The following KDR variants were observed in gnomAD, a reference collection of about 807,000 sequenced individuals.
KDR encodes the protein vascular endothelial growth factor receptor 2.
A neutral mutation model predicts 160.9 loss-of-function variants in KDR; 43 were observed. The observed-to-expected ratio is 0.27, with a 90% confidence interval of 0.21 to 0.34. The LOEUF (loss-of-function observed/expected upper bound fraction) is 0.34, where lower values mean the gene tolerates loss of function less well. KDR is among the 10% of genes least tolerant of loss of function. The pLI, the probability that KDR is intolerant of heterozygous loss-of-function variation, is 1.00. For synonymous variants in KDR, 617 were observed against 600.1 expected, an observed-to-expected ratio of 1.03 and a Z score of -0.41; for missense variants, 1,469 against 1,666.4, an observed-to-expected ratio of 0.88 and a Z score of 2.06.
Position 55,110,519 on chromosome 4 carries a change from C to A in KDR, c.1139G>T (p.Gly380Val), listed in dbSNP as rs1293114817. ...CACTTCCATAATCGTCAGTACATGC[C>A]CCGCTTTAATTGTGTGATTGGACTC... The part of the protein sequence containing the change: ...PLESNHTIKA[G>V]HVLTIMEVSE... Residue 380 changes from glycine (G) to valine (V), a missense_variant, in exon 9 of 30, where the codon GGG (glycine) becomes GTG (valine). Gly to Val is a moderately radical substitution (Grantham distance 109). This residue lies in a region of KDR where 792 missense variants were observed against 840.9 expected (regional missense o/e 0.94). Coordinates refer to ENST00000263923, the MANE Select transcript of KDR (RefSeq NM_002253.4). 4.3e-6 allele frequency: 7 copies of A among 1,613,872 alleles called. No individual in the cohort carries two copies. Among genetic ancestry groups the A allele is most frequent in the Non-Finnish European group, 5.9e-6 (7 of 1,179,938 alleles).
chr4:55,120,485 T>C (rs905509067), intron 2 of KDR, among the ~76,000 whole-genome samples: 1 of 152,180 alleles, frequency 6.6e-6, no homozygotes. Flanking sequence ...ATCAATAGCA[T>C]GACTTCTTGC....
At chr4:55,102,308 T>G in intron 14 of KDR, 54 bp downstream of exon 14, 2 of 1,577,330 alleles carry the variant, frequency 1.3e-6, no homozygotes, top group Non-Finnish European at 8.7e-7. Flanking sequence ...GCTTTTTAGA[T>G]AACATCCCTG....
intron 27 of KDR, among the ~76,000 whole-genome samples, chr4:55,084,241 T>A (rs1250780114): frequency 6.6e-6 from 1 of 152,198 alleles, no homozygotes; most frequent in Non-Finnish European, 1.5e-5. Flanking sequence ...AGATCAGATA[T>A]GCCCTTTAGA....
In KDR at chr4:55,125,529, C is replaced by T; in HGVS notation, c.-236G>A. ...GACTTTCTGCGGCGCGCAAGTGATGCCCGGCGCAGGCAGAGGAAACGCAGC... is the reference window on the plus strand; with the variant it reads ...GACTTTCTGCGGCGCGCAAGTGATGTCCGGCGCAGGCAGAGGAAACGCAGC... On this transcript the variant is annotated 5_prime_UTR_variant, in exon 1 of 30. Coordinates refer to ENST00000263923, the MANE Select transcript of KDR (RefSeq NM_002253.4). 1 of 603,758 alleles carries T rather than the reference C, an allele frequency of 1.7e-6. No homozygotes were observed. The highest frequency in any genetic ancestry group is 2.9e-6 in the Non-Finnish European group (1 of 339,422). 37.4% of individuals were successfully genotyped at this position (603,758 alleles called of 1,614,324 possible). A position where few individuals can be genotyped will look rare whatever the true frequency, so the allele number is the denominator to read the frequency against.
intron 3 of KDR, among the ~76,000 whole-genome samples, chr4:55,118,263 T>C (rs1462031587): frequency 6.6e-6 from 1 of 152,176 alleles, no homozygotes; most frequent in Non-Finnish European, 1.5e-5. Context: ...TTCTCCATAA[T>C]TCACCCCCAA....
At position 55,098,424 on chromosome 4, in the gene KDR, C is replaced by G. The variant is rs192605268; in HGVS notation, c.2374-152G>C. The G allele has an allele frequency of 2.5e-5, 25 of 982,758 alleles. No homozygotes were observed. The East Asian group carries it at 6.3e-4, about 25-fold the overall frequency. The allele number at this position is 982,758 out of a possible 1,614,324, so 60.9% of individuals were successfully genotyped here. ...GAGTGGTCCTATTATAACCCTGCTT[C>G]TAGTTTCCCTTGTCCCCCAAAGGAG... On this transcript the variant is annotated intron_variant, in intron 16 of 29. Transcript: ENST00000263923.
At chr4:55,109,105 C>T (rs964197612) in intron 9 of KDR, among the ~76,000 whole-genome samples, 18 of 150,598 alleles carry the variant, frequency 1.2e-4, no homozygotes, top group African/African-American at 3.4e-4. Context: ...TTTTTTGAGA[C>T]GGAGTTTTGC....
intron 27 of KDR, 46 bp from the exon 28 acceptor site, chr4:55,082,681 T>G (rs770746793): frequency 1.3e-5 from 18 of 1,417,380 alleles, no homozygotes; most frequent in Middle Eastern, 1.8e-4. Context: ...TATATTTGAC[T>G]GCAGATCGGC....
intron 15 of KDR, 136 bp downstream of exon 15, chr4:55,101,761 T>C: frequency 2.7e-6 from 2 of 748,432 alleles, no homozygotes; most frequent in Non-Finnish European, 2.3e-6. Flanking sequence ...TGGTTTTCTG[T>C]TCCTGTGTTA....
intron 26 of KDR, 105 bp downstream of exon 26, chr4:55,088,763 A>G: frequency 3.9e-6 from 3 of 770,326 alleles, no homozygotes; most frequent in Non-Finnish European, 7.0e-6. Flanking sequence ...AGATTATTCA[A>G]TGGCTGAGAG....
intron 10 of KDR, among the ~76,000 whole-genome samples, 154 bp downstream of exon 10, chr4:55,107,583 A>G (rs1720475774): frequency 6.6e-6 from 1 of 152,206 alleles, no homozygotes; most frequent in African/African-American, 2.4e-5. Context: ...CCTAAAATGT[A>G]AGACACAGAG....
At chr4:55,094,764 A>C in intron 21 of KDR, 38 bp downstream of exon 21, 3 of 1,582,518 alleles carry the variant, frequency 1.9e-6, no homozygotes, top group Non-Finnish European at 1.7e-6. Context: ...TGCTCTGACA[A>C]GAGCATGCCA....
intron 10 of KDR, 146 bp downstream of exon 10, chr4:55,107,591 G>T: frequency 1.1e-6 from 1 of 931,794 alleles, no homozygotes; most frequent in East Asian, 2.5e-5. Flanking sequence ...GTAAGACACA[G>T]AGAAAGATGG....
intron 12 of KDR, 57 bp from the exon 13 acceptor site, chr4:55,105,041 T>C: frequency 7.1e-7 from 1 of 1,398,940 alleles, no homozygotes. Flanking sequence ...CAGCTCACTA[T>C]CATCTTGCTG....
chr4:55,116,289 G>A (rs1024254577), intron 3 of KDR, among the ~76,000 whole-genome samples: 6 of 151,830 alleles, frequency 4.0e-5, no homozygotes, highest in African/African-American at 1.5e-4. Context: ...ATGATGGCAC[G>A]CACCTGTAGT....
At chr4:55,116,839 C>T (rs541997995) in intron 3 of KDR, among the ~76,000 whole-genome samples, 6 of 152,220 alleles carry the variant, frequency 3.9e-5, no homozygotes, top group African/African-American at 7.2e-5. Context: ...AGTAAGGTGG[C>T]GACCAGAGGG....
chr4:55,087,925 A>G (rs183234342), intron 26 of KDR, among the ~76,000 whole-genome samples, 167 bp from the exon 27 acceptor site: 2 of 152,352 alleles, frequency 1.3e-5, no homozygotes, highest in East Asian at 3.9e-4. Context: ...AGAAACAAAA[A>G]GCTGTTGAAA....
At chr4:55,098,387 C>T in intron 16 of KDR, 115 bp from the exon 17 acceptor site, 1 of 1,303,592 alleles carries the variant, frequency 7.7e-7, no homozygotes. Flanking sequence ...CAATAAAACT[C>T]ATGGAGTTTG....
intron 29 of KDR, among the ~76,000 whole-genome samples, chr4:55,081,384 T>C (rs755507602): frequency 6.6e-6 from 1 of 152,174 alleles, no homozygotes; most frequent in Non-Finnish European, 1.5e-5. Flanking sequence ...TTTCATTGAT[T>C]TGTTATGTTA....
Sources: gnomAD v4.1 joint callset for allele counts (sites outside exome capture counted in the v4.1 genomes callset) on GRCh38, gnomAD v4.1.1 for gene constraint, gnomAD v4.1.1 regional missense constraint, MANE v1.5 for transcripts, NCBI Gene and HGNC (gene_info 2026-07-23, HGNC 2026-07-21) for gene names.